Variants in CCDC7 observed in about 807,000 individuals in gnomAD.
CCDC7 encodes the protein coiled-coil domain containing 7.
In CCDC7, 183 loss-of-function variants were observed where a neutral mutation model predicts 196.9. The ratio of observed to expected loss-of-function variants is 0.93; its 90% CI spans 0.82 to 1.05. The LOEUF (loss-of-function observed/expected upper bound fraction) is 1.05. Among genes scored for constraint, CCDC7 ranks in the 50% least tolerant of loss-of-function variants. The pLI, the probability that CCDC7 is intolerant of heterozygous loss-of-function variation, is 0.00. For synonymous variants in CCDC7, 525 were observed against 484.6 expected, an observed-to-expected ratio of 1.08 and a Z score of -1.10; for missense variants, 1,540 against 1,482.2, an observed-to-expected ratio of 1.04 and a Z score of -0.64.
chr10:32,644,857 C>T (rs182059980), intron 20 of CCDC7, among the ~76,000 whole-genome samples: 20 of 152,232 alleles, frequency 1.3e-4, no homozygotes, highest in Admixed American at 1.3e-3. Context: ...TGTAAATTGC[C>T]CAGTTACAGA....
intron 11 of CCDC7, among the ~76,000 whole-genome samples, chr10:32,536,755 T>A (rs1321115806): frequency 1.3e-5 from 2 of 152,180 alleles, no homozygotes; most frequent in African/African-American, 4.8e-5. Context: ...ATAAGTAAGA[T>A]CATGGGGTAT....
chr10:32,725,794 C>T (rs2083036673), intron 25 of CCDC7, among the ~76,000 whole-genome samples: 1 of 151,356 alleles, frequency 6.6e-6, no homozygotes, highest in Non-Finnish European at 1.5e-5. Context: ...AGAGAGGGCA[C>T]CAAGCCATTC....
At chr10:32,479,428 T>A (rs2039569250) in intron 8 of CCDC7, among the ~76,000 whole-genome samples, 1 of 152,202 alleles carries the variant, frequency 6.6e-6, no homozygotes, top group African/African-American at 2.4e-5. Context: ...GAAAGAATGT[T>A]GAATTTTTTC....
At chr10:32,874,064 C>G (rs1245343986) in intron 41 of CCDC7, among the ~76,000 whole-genome samples, 3 of 151,168 alleles carry the variant, frequency 2.0e-5, no homozygotes, top group Non-Finnish European at 4.4e-5. Context: ...AGTAACTAGT[C>G]TCAAGCATTT....
At chr10:32,753,929 A>T (rs935062307) in intron 28 of CCDC7, among the ~76,000 whole-genome samples, 10 of 152,034 alleles carry the variant, frequency 6.6e-5, no homozygotes, top group African/African-American at 2.4e-4. Flanking sequence ...GATTTTTTTT[A>T]AACAATGAAA....
intron 8 of CCDC7, among the ~76,000 whole-genome samples, chr10:32,485,245 T>G (rs2040810478): frequency 6.6e-6 from 1 of 152,210 alleles, no homozygotes. Flanking sequence ...GTCGAGGAAT[T>G]TATCCATTTC....
At chr10:32,466,761 T>C (rs2036882852) in intron 5 of CCDC7, among the ~76,000 whole-genome samples, 1 of 151,912 alleles carries the variant, frequency 6.6e-6, no homozygotes, top group African/African-American at 2.4e-5. Context: ...TATGATAGGA[T>C]GATTTATTTT....
At chr10:32,663,963 C>T (rs2072083062) in intron 20 of CCDC7, 91 bp from the exon 22 acceptor site, 1 of 379,742 alleles carries the variant, frequency 2.6e-6, no homozygotes, top group Non-Finnish European at 4.7e-6. Flanking sequence ...AAAAATGAGA[C>T]AGAATATGGC....
intron 30 of CCDC7, among the ~76,000 whole-genome samples, chr10:32,806,917 A>C (rs2085963444): frequency 6.6e-6 from 1 of 152,184 alleles, no homozygotes; most frequent in African/African-American, 2.4e-5. Context: ...CTAAGATTAA[A>C]AGCTGACTAC....
chr10:32,501,806 A>T (rs1244952992), intron 9 of CCDC7, among the ~76,000 whole-genome samples: 1 of 152,208 alleles, frequency 6.6e-6, no homozygotes, highest in African/African-American at 2.4e-5. Flanking sequence ...CCCAGTCTGG[A>T]TACGTGGATG....
intron 5 of CCDC7, among the ~76,000 whole-genome samples, chr10:32,464,210 T>C (rs776453524): frequency 6.6e-6 from 1 of 152,184 alleles, no homozygotes; most frequent in Non-Finnish European, 1.5e-5. Context: ...CTAAATTACT[T>C]TTTAAAAATT....
rs202150202 is a variant in CCDC7, at chr10:32,518,002, T to C, written c.903+27T>C. The C allele has an allele frequency of 1.1e-4, 178 of 1,552,760 alleles. No homozygotes were observed. The East Asian group carries it at 4.3e-3, about 37-fold the overall frequency. The stretch of plus-strand genomic sequence containing the variant: ...TAAGTATAGTACTCTCAATTTGAAA[T>C]TACACTTTGTCCTTGAGTTCTTAAC... On this transcript the variant is annotated intron_variant, in intron 10 of 41. Transcript: ENST00000639629.
At chr10:32,473,458 T>A (rs2038364460) in intron 7 of CCDC7, among the ~76,000 whole-genome samples, 1 of 152,218 alleles carries the variant, frequency 6.6e-6, no homozygotes. Flanking sequence ...TTAGACTTTT[T>A]TCAAAAATAA....
intron 41 of CCDC7, among the ~76,000 whole-genome samples, chr10:32,858,758 C>T (rs1326233852): frequency 6.6e-6 from 1 of 151,960 alleles, no homozygotes; most frequent in East Asian, 1.9e-4. Context: ...AAAAAAAAAC[C>T]AGGGATTGCA....
intron 8 of CCDC7, among the ~76,000 whole-genome samples, chr10:32,481,354 T>G (rs1448394369): frequency 6.6e-6 from 1 of 152,192 alleles, no homozygotes; most frequent in Admixed American, 6.5e-5. Flanking sequence ...TAATTGCTTT[T>G]TAGCTGTTTT....
chr10:32,449,316 A>G (rs900355961), upstream of CCDC7, among the ~76,000 whole-genome samples: 38 of 152,058 alleles, frequency 2.5e-4, no homozygotes, highest in Non-Finnish European at 1.5e-5. Flanking sequence ...CCTCCCGAGT[A>G]GCTGAGACTA....
At chr10:32,654,993 C>T (rs1042241432) in intron 20 of CCDC7, among the ~76,000 whole-genome samples, 2 of 152,066 alleles carry the variant, frequency 1.3e-5, no homozygotes, top group Non-Finnish European at 2.9e-5. Context: ...TTGACAAATG[C>T]CCTAGGGTGA....
intron 13 of CCDC7, among the ~76,000 whole-genome samples, chr10:32,554,860 T>TA (rs1224114775): frequency 6.6e-6 from 1 of 152,222 alleles, no homozygotes; most frequent in Non-Finnish European, 1.5e-5. Context: ...CTCCACCCCC[T>TA]ACTACTATTT....
intron 15 of CCDC7, among the ~76,000 whole-genome samples, chr10:32,571,154 G>T (rs1332883612): frequency 2.6e-5 from 4 of 151,718 alleles, no homozygotes; most frequent in African/African-American, 9.7e-5. Flanking sequence ...GATTACAGGC[G>T]CCCGCCACCA....
Sources: gnomAD v4.1 joint callset for allele counts (sites outside exome capture counted in the v4.1 genomes callset) on GRCh38, gnomAD v4.1.1 for gene constraint, MANE v1.5 for transcripts, NCBI Gene and HGNC (gene_info 2026-07-23, HGNC 2026-07-21) for gene names.